DLG2: variants seen among roughly 807,000 people sequenced by gnomAD.
The protein encoded by DLG2 is discs large MAGUK scaffold protein 2, also known as disks large homolog 2.
DLG2 carries 45 observed loss-of-function variants against 132.5 expected under a neutral mutation model. The ratio of observed to expected loss-of-function variants is 0.34; its 90% CI spans 0.27 to 0.44. The LOEUF (loss-of-function observed/expected upper bound fraction) is 0.44. Among genes scored for constraint, DLG2 ranks in the 20% least tolerant of loss-of-function variants. The probability of loss-of-function intolerance (pLI) is 1.00; values close to 1 mark genes in which losing one functional copy is unlikely to be tolerated. For missense variants in DLG2, 1,045 were observed against 1,196.9 expected (o/e 0.87, Z 1.87); for synonymous variants, 424 against 419.6 (o/e 1.01, Z -0.13).
chr11:85,142,378 G>T (rs1196258113), intron 5 of DLG2, among the ~76,000 whole-genome samples: 2 of 151,648 alleles, frequency 1.3e-5, no homozygotes, highest in African/African-American at 2.4e-5. Context: ...TTGACATTTA[G>T]AAATGCTAAT....
At chr11:85,043,159 C>G (rs1379612543) in intron 6 of DLG2, among the ~76,000 whole-genome samples, 3 of 151,742 alleles carry the variant, frequency 2.0e-5, no homozygotes, top group African/African-American at 7.3e-5. Flanking sequence ...TTTAGGTTAT[C>G]ACAATTATAG....
intron 27 of DLG2, among the ~76,000 whole-genome samples, chr11:83,460,950 A>T (rs2089812625): frequency 6.6e-6 from 1 of 152,090 alleles, no homozygotes. Flanking sequence ...TAAGGTAAAA[A>T]ATAAAACATC....
At chr11:84,502,702 T>C (rs536536880) in intron 7 of DLG2, among the ~76,000 whole-genome samples, 37 of 152,140 alleles carry the variant, frequency 2.4e-4, no homozygotes, top group African/African-American at 8.4e-4. Context: ...CAGCCCAGGT[T>C]ATTTTCTTAA....
Position 84,660,950 on chromosome 11 carries a change from A to G in DLG2, c.358-126219T>C, listed in dbSNP as rs564507605. Among the ~76,000 whole-genome samples the G allele has an allele frequency of 2.0e-5, 3 of 152,312 alleles. No individual in the cohort carries two copies. The East Asian group carries it at 5.8e-4, about 29-fold the overall frequency. On this transcript the variant is annotated intron_variant, in intron 6 of 27. Transcript: ENST00000376104. The stretch of plus-strand genomic sequence containing the variant: ...TGAAGGACTCAACTTCAAGTTGTAC[A>G]TTTTTATAAAGAATACATTACAGTT...
At chr11:84,681,875 C>A (rs1046089712) in intron 6 of DLG2, among the ~76,000 whole-genome samples, 1 of 151,250 alleles carries the variant, frequency 6.6e-6, no homozygotes, top group Non-Finnish European at 1.5e-5. Context: ...TTAGGCCTGA[C>A]TTTGATGCAG....
intron 10 of DLG2, among the ~76,000 whole-genome samples, 160 bp downstream of exon 10, chr11:84,098,760 AATC>A (rs1204340970): frequency 2.8e-4 from 42 of 152,186 alleles, no homozygotes; most frequent in Non-Finnish European, 4.4e-5. Flanking sequence ...ACTGAAATTC[AATC>A]AGTAGCAAAA....
chr11:83,753,731 A>C lies in DLG2; in HGVS notation c.1825+32959T>G, dbSNP rs563799316. 2.3e-3 allele frequency among the ~76,000 whole-genome samples: 326 copies of C among 140,276 alleles called. 12 individuals are homozygous for C. The highest frequency in any genetic ancestry group is 7.8e-3 in the African/African-American group (285 of 36,642). The allele number at this position is 140,276 out of a possible 152,430, so 92.0% of individuals were successfully genotyped here. ...TCTATTTCATATATAGACACTATAT[A>C]TATGATATATATATATTTCATATAT... On this transcript the variant is annotated intron_variant, in intron 18 of 27. Coordinates refer to ENST00000376104, the MANE Select transcript of DLG2 (RefSeq NM_001142699.3).
intron 3 of DLG2, among the ~76,000 whole-genome samples, chr11:85,487,424 A>T (rs1597829589): frequency 6.6e-6 from 1 of 151,576 alleles, no homozygotes; most frequent in Non-Finnish European, 1.5e-5. Flanking sequence ...AAAAATTAAA[A>T]AAAAAAAAAA....
At chr11:85,380,150 AG>A (rs1414638696) in intron 3 of DLG2, among the ~76,000 whole-genome samples, 9 of 129,758 alleles carry the variant, frequency 6.9e-5, no homozygotes, top group Non-Finnish European at 1.5e-4. Context: ...TAGCTGTGCT[AG>A]ACCCTAGAGA....
chr11:84,619,789 T>C (rs901032011), intron 6 of DLG2, among the ~76,000 whole-genome samples: 9 of 151,630 alleles, frequency 5.9e-5, no homozygotes, highest in African/African-American at 2.2e-4. Flanking sequence ...AATTATAAAA[T>C]TGTATTGAAA....
At chr11:85,315,301 T>G (rs2080585296) in intron 3 of DLG2, among the ~76,000 whole-genome samples, 1 of 151,976 alleles carries the variant, frequency 6.6e-6, no homozygotes, top group Admixed American at 6.6e-5. Flanking sequence ...ATGAGCCAAC[T>G]TTAACTCCAT....
chr11:84,202,540 T>G (rs1445424685), intron 8 of DLG2, among the ~76,000 whole-genome samples: 1 of 152,126 alleles, frequency 6.6e-6, no homozygotes. Context: ...GGCAATATCA[T>G]TCAGGACATA....
intron 3 of DLG2, among the ~76,000 whole-genome samples, chr11:85,517,878 C>T (rs773199156): frequency 2.6e-5 from 4 of 152,092 alleles, no homozygotes; most frequent in Admixed American, 1.3e-4. Flanking sequence ...GTGCTGTTCT[C>T]ATGATAGTGA....
intron 4 of DLG2, among the ~76,000 whole-genome samples, chr11:85,181,309 G>A (rs577739181): frequency 5.1e-4 from 77 of 151,534 alleles, no homozygotes; most frequent in African/African-American, 1.9e-3. Flanking sequence ...ATCACCTCAA[G>A]CATTTATCCT....
At position 84,534,670 on chromosome 11, in the gene DLG2, T is replaced by A; in HGVS notation, c.419A>T (p.Glu140Val). 6.2e-7 allele frequency: 1 copy of A among 1,614,044 alleles called. No homozygotes were observed. Among genetic ancestry groups the A allele is most frequent in the Non-Finnish European group, 8.5e-7 (1 of 1,179,942 alleles). Residue 140 changes from glutamate to valine, a missense_variant, in exon 7 of 28, where the codon GAA (glutamate) becomes GTA (valine). By Grantham distance (121) the Glu-to-Val change is moderately radical. Coordinates refer to ENST00000376104, the MANE Select transcript of DLG2 (RefSeq NM_001142699.3). ...HDHSLPRLTH[E>V]VRGPELVHVS... is the part of the protein sequence containing the mutation. The stretch of plus-strand genomic sequence containing the variant: ...ATGCACGAGTTCTGGGCCTCTTACT[T>A]CGTGGGTTAGTCGAGGTAAGGAATG...
At chr11:84,232,590 C>T (rs1161043883) in intron 8 of DLG2, among the ~76,000 whole-genome samples, 1 of 152,056 alleles carries the variant, frequency 6.6e-6, no homozygotes, top group East Asian at 1.9e-4. Flanking sequence ...GATTAGAGTT[C>T]TTAGAAGAAG....
At chr11:84,284,681 G>A (rs1251481122) in intron 7 of DLG2, among the ~76,000 whole-genome samples, 1 of 152,194 alleles carries the variant, frequency 6.6e-6, no homozygotes, top group Non-Finnish European at 1.5e-5. Flanking sequence ...CAGATGAAGT[G>A]TGTCTTCACC....
intron 8 of DLG2, among the ~76,000 whole-genome samples, chr11:84,247,447 A>C (rs576176849): frequency 3.5e-4 from 53 of 152,224 alleles, no homozygotes; most frequent in Non-Finnish European, 8.8e-5. Context: ...AGCAAAAAAT[A>C]GAAACTAGAG....
chr11:84,399,963 C>T (rs1177182053), intron 7 of DLG2, among the ~76,000 whole-genome samples: 1 of 152,154 alleles, frequency 6.6e-6, no homozygotes, highest in Non-Finnish European at 1.5e-5. Flanking sequence ...TATTTTGTTC[C>T]TTGCCTGTGA....
Sources: allele counts gnomAD v4.1 joint callset (sites outside exome capture counted in the v4.1 genomes callset), GRCh38; gene constraint gnomAD v4.1.1; transcripts MANE v1.5; gene names NCBI Gene and HGNC (gene_info 2026-07-23, HGNC 2026-07-21).